The following WDFY2 variants were observed in gnomAD, a reference collection of about 807,000 sequenced individuals.
WDFY2 encodes WD repeat and FYVE domain-containing protein 2.
In WDFY2, 36 loss-of-function variants were observed where a neutral mutation model predicts 56.4. That is an observed-to-expected ratio of 0.64 (90% confidence interval 0.49 to 0.84). The LOEUF is 0.84. Ranked by LOEUF, WDFY2 falls within the 40% of genes least tolerant of loss-of-function variation. The pLI, the probability that WDFY2 is intolerant of heterozygous loss-of-function variation, is 0.00. For missense variants in WDFY2, 444 were observed against 512.2 expected (o/e 0.87, Z 1.29); for synonymous variants, 176 against 183.7 (o/e 0.96, Z 0.34).
intron 4 of WDFY2, among the ~76,000 whole-genome samples, chr13:51,707,209 G>C (rs1171939204): frequency 6.6e-6 from 1 of 152,226 alleles, no homozygotes; most frequent in Non-Finnish European, 1.5e-5. Context: ...GCCCAGGCTA[G>C]AGTGCAGTGG....
intron 4 of WDFY2, 146 bp from the exon 5 acceptor site, chr13:51,719,052 C>A (rs1165023036): frequency 2.7e-6 from 3 of 1,131,292 alleles, no homozygotes; most frequent in Non-Finnish European, 2.5e-6. Context: ...CCCACGAGAA[C>A]CACTGTTCTA....
At chr13:51,680,977 A>C (rs975603341) in intron 3 of WDFY2, among the ~76,000 whole-genome samples, 2 of 152,170 alleles carry the variant, frequency 1.3e-5, no homozygotes, top group African/African-American at 4.8e-5. Flanking sequence ...AGCCACTGTT[A>C]AAAAATATGT....
At chr13:51,692,371 A>G (rs933216045) in intron 3 of WDFY2, among the ~76,000 whole-genome samples, 2 of 152,178 alleles carry the variant, frequency 1.3e-5, no homozygotes, top group African/African-American at 2.4e-5. Flanking sequence ...ACGTCCCATC[A>G]ATACCTAATT....
At chr13:51,644,080 A>G (rs138080638) in intron 1 of WDFY2, among the ~76,000 whole-genome samples, 1 of 150,098 alleles carries the variant, frequency 6.7e-6, no homozygotes, top group Non-Finnish European at 1.5e-5. Context: ...TTCATAGGGA[A>G]AGTGGATATG....
chr13:51,664,327 A>C (rs1329213407), intron 2 of WDFY2, among the ~76,000 whole-genome samples: 1 of 152,232 alleles, frequency 6.6e-6, no homozygotes, highest in East Asian at 1.9e-4. Context: ...TCCCTGGGCC[A>C]ATCTGATTTT....
At chr13:51,662,131 C>T (rs959006498) in intron 2 of WDFY2, among the ~76,000 whole-genome samples, 3 of 151,992 alleles carry the variant, frequency 2.0e-5, no homozygotes, top group Non-Finnish European at 4.4e-5. Context: ...CCACCACACC[C>T]AGCTAATTTT....
chr13:51,708,469 AC>A (rs1220162454), intron 4 of WDFY2, among the ~76,000 whole-genome samples: 4 of 152,096 alleles, frequency 2.6e-5, no homozygotes, highest in Non-Finnish European at 4.4e-5. Context: ...ACAGAGCAAG[AC>A]CCTGTCTCTA....
chr13:51,755,860 A>G (rs150260982), intron 9 of WDFY2, among the ~76,000 whole-genome samples: 300 of 152,288 alleles, frequency 2.0e-3, no homozygotes, highest in South Asian at 4.8e-3. Flanking sequence ...AGCATTTTCA[A>G]TCTGATTCCA....
intron 1 of WDFY2, among the ~76,000 whole-genome samples, chr13:51,644,879 A>G (rs117434526): frequency 0.01 from 1,568 of 152,300 alleles, 10 homozygotes; most frequent in Middle Eastern, 0.017. Flanking sequence ...GGCCACCTCA[A>G]TTCACTTGCA....
intron 3 of WDFY2, among the ~76,000 whole-genome samples, chr13:51,679,946 A>G (rs1313585986): frequency 6.6e-6 from 1 of 152,018 alleles, no homozygotes; most frequent in Non-Finnish European, 1.5e-5. Context: ...AAAACAAAAC[A>G]TGGAGTCTCG....
At chr13:51,610,281 C>A (rs1353312437) in intron 1 of WDFY2, among the ~76,000 whole-genome samples, 2 of 150,702 alleles carry the variant, frequency 1.3e-5, no homozygotes, top group African/African-American at 4.9e-5. Context: ...ACCATCTATC[C>A]CTTTTCGTTG....
rs1426004837 is a variant in WDFY2, at chr13:51,767,134, T to A, written c.*7365T>A. ...CTCATTTAAAACTTGTGAGGTTCATTTTATGGAGAAGAAAAATAGGTGCAA... is the reference window on the plus strand; with the variant it reads ...CTCATTTAAAACTTGTGAGGTTCATATTATGGAGAAGAAAAATAGGTGCAA... On this transcript the variant is annotated 3_prime_UTR_variant, in exon 12 of 12. Transcript: ENST00000298125. 6.6e-6 allele frequency: 1 copy of A among 152,208 alleles called. No homozygotes were observed. The highest frequency in any genetic ancestry group is 1.5e-5 in the Non-Finnish European group (1 of 68,048). The allele number at this position is 152,208 out of a possible 1,614,324, so 9.4% of individuals were successfully genotyped here.
chr13:51,659,593 G>A (rs1424604314), intron 1 of WDFY2, among the ~76,000 whole-genome samples: 1 of 152,092 alleles, frequency 6.6e-6, no homozygotes, highest in Non-Finnish European at 1.5e-5. Context: ...CTTTTTGTTT[G>A]GTCAGAACAT....
intron 3 of WDFY2, among the ~76,000 whole-genome samples, chr13:51,700,500 A>G (rs776560878): frequency 5.3e-5 from 8 of 152,216 alleles, no homozygotes; most frequent in Admixed American, 2.0e-4. Context: ...TAAAAACTCA[A>G]TTTGGCCATG....
At position 51,656,352 on chromosome 13, in the gene WDFY2, A is replaced by G. The variant is rs1479187837; in HGVS notation, c.138-4244A>G. On this transcript the variant is annotated intron_variant, in intron 1 of 11. Coordinates refer to ENST00000298125, the MANE Select transcript of WDFY2 (RefSeq NM_052950.4). ...AGCCTTATTCCTTTATACGTGGAGAAGATACTTTGTATGATTTCAATTTTA... is the reference window on the plus strand; with the variant it reads ...AGCCTTATTCCTTTATACGTGGAGAGGATACTTTGTATGATTTCAATTTTA... Among the ~76,000 whole-genome samples the G allele has an allele frequency of 2.6e-5, 4 of 151,986 alleles. No individual in the cohort carries two copies. In the East Asian group the frequency reaches 7.7e-4, roughly 29 times the overall value.
intron 2 of WDFY2, among the ~76,000 whole-genome samples, chr13:51,674,892 T>A (rs1955861243): frequency 6.6e-6 from 1 of 152,152 alleles, no homozygotes; most frequent in Non-Finnish European, 1.5e-5. Context: ...TTAAGCAAAT[T>A]TAGAGTCCAT....
Position 51,758,277 on chromosome 13 carries a change from T to G in WDFY2, c.1150T>G (p.Ser384Ala), listed in dbSNP as rs1270471604. 5.0e-6 allele frequency: 8 copies of G among 1,595,612 alleles called. No individual in the cohort carries two copies. Among genetic ancestry groups the G allele is most frequent in the Non-Finnish European group, 6.9e-6 (8 of 1,165,900 alleles). Residue 384 changes from serine to alanine, a missense_variant, in exon 11 of 12, where the codon TCT becomes GCT. Ser to Ala is a moderately conservative substitution (Grantham distance 99). Coordinates refer to ENST00000298125, the MANE Select transcript of WDFY2 (RefSeq NM_052950.4). ...TGCAACCAGAGGATGGTTACTGACT[T>G]CTGGAACTGACAAGGTTATTAAGGT... ...FDATRGWLLT[S>A]GTDKVIKLWD...
At chr13:51,740,065 A>T (rs1952933553) in intron 7 of WDFY2, among the ~76,000 whole-genome samples, 2 of 152,260 alleles carry the variant, frequency 1.3e-5, no homozygotes, top group South Asian at 4.1e-4. Context: ...GGTTTTAAGC[A>T]ACACTAGCTT....
chr13:51,715,031 G>A (rs556606463), intron 4 of WDFY2, among the ~76,000 whole-genome samples: 1 of 152,292 alleles, frequency 6.6e-6, no homozygotes, highest in South Asian at 2.1e-4. Flanking sequence ...TTTAAAAAAT[G>A]TTATGGTATG....
Sources: gnomAD v4.1 joint callset for allele counts (sites outside exome capture counted in the v4.1 genomes callset) on GRCh38, gnomAD v4.1.1 for gene constraint, MANE v1.5 for transcripts, NCBI Gene and HGNC (gene_info 2026-07-23, HGNC 2026-07-21) for gene names.